Variants in GLS2 observed in about 807,000 individuals in gnomAD.
GLS2 encodes glutaminase 2.
In GLS2, 52 loss-of-function variants were observed where a neutral mutation model predicts 79.0. That is an observed-to-expected ratio of 0.66 (90% CI 0.53 to 0.83). GLS2 has a LOEUF of 0.83. GLS2 is among the 40% of genes least tolerant of loss of function. GLS2 has a pLI of 0.00. For synonymous variants in GLS2, 238 were observed against 280.8 expected, an observed-to-expected ratio of 0.85 and a Z score of 1.52; for missense variants, 561 against 764.8, an observed-to-expected ratio of 0.73 and a Z score of 3.14.
rs888361751 is a variant in GLS2, at chr12:56,471,713, G to A, written c.1652+60C>T. ...TGGTGGTTGTATATATTTGCATGGT[G>A]GCTGGAGGGTAGGTGGAGAAGCTGT... On this transcript the variant is annotated intron_variant, in intron 17 of 17. Coordinates refer to ENST00000311966, the MANE Select transcript of GLS2 (RefSeq NM_013267.4). The A allele has an allele frequency of 2.8e-5, 45 of 1,610,812 alleles. No homozygotes were observed. The African/African-American group carries it at 5.7e-4, about 21-fold the overall frequency.
At chr12:56,475,899 TGCCATGGCGAAATGCA>T in intron 8 of GLS2, 30 bp downstream of exon 8, 1 of 1,606,872 alleles carries the variant, frequency 6.2e-7, no homozygotes, top group Non-Finnish European at 8.5e-7. Flanking sequence ...GAGGACAGCA[TGCCATGGCGAAATGCA>T]GCCAGGGGCT....
intron 8 of GLS2, 99 bp downstream of exon 8, chr12:56,475,846 G>A (rs1043348071): frequency 8.4e-6 from 12 of 1,431,890 alleles, no homozygotes; most frequent in Admixed American, 3.4e-5. Context: ...GTATGGGCTG[G>A]TGCACCTGGT....
At chr12:56,476,448 T>C (rs948504847) in intron 7 of GLS2, 2 of 179,764 alleles carry the variant, frequency 1.1e-5, no homozygotes, top group African/African-American at 4.8e-5. Context: ...TTACACCCCA[T>C]GCTGGAGCTT....
chr12:56,479,364 G>C (rs1175765859), intron 3 of GLS2, 183 bp from the exon 4 acceptor site: 2 of 640,652 alleles, frequency 3.1e-6, no homozygotes, highest in Non-Finnish European at 5.0e-6. Flanking sequence ...TAAAATGAGG[G>C]GTTTTAATGA....
chr12:56,474,716 C>T lies in GLS2; in HGVS notation c.1052G>A (p.Cys351Tyr), dbSNP rs780767148. The T allele has an allele frequency of 3.1e-6, 5 of 1,609,280 alleles. No homozygotes were observed. The highest frequency in any genetic ancestry group is 4.2e-6 in the Non-Finnish European group (5 of 1,176,892). ...MAALDLYFQL[C>Y]SVEVTCESGS... is the part of the protein sequence containing the mutation. The stretch of plus-strand genomic sequence containing the variant: ...TGATTCACAAGTGACCTCCACAGAA[C>T]ACAGCTATGAAAACAAAGAATAGGT... The change falls in exon 12 of 18, where the codon TGT becomes TAT. Residue 351 changes from cysteine to tyrosine, a missense_variant. This residue lies in a region of GLS2 where 221 missense variants were observed against 275.6 expected (regional missense o/e 0.80). Transcript: ENST00000311966.
At chr12:56,480,249 T>TTC (rs1337149557) in intron 2 of GLS2, 39 bp downstream of exon 2, 1 of 1,553,290 alleles carries the variant, frequency 6.4e-7, no homozygotes, top group Non-Finnish European at 8.9e-7. Flanking sequence ...TCAGAGATCT[T>TTC]AAGGAATTAG....
intron 1 of GLS2, among the ~76,000 whole-genome samples, chr12:56,485,055 A>G (rs1238477792): frequency 1.3e-5 from 2 of 152,208 alleles, no homozygotes; most frequent in Non-Finnish European, 1.5e-5. Context: ...GGAATCTTTT[A>G]AAATGACAAG....
At chr12:56,482,845 C>T (rs1870399590) in intron 1 of GLS2, among the ~76,000 whole-genome samples, 1 of 152,182 alleles carries the variant, frequency 6.6e-6, no homozygotes, top group Non-Finnish European at 1.5e-5. Context: ...GATCCTCCCA[C>T]CTCAGCCTCC....
Position 56,471,961 on chromosome 12 carries a change from C to T in GLS2, c.1589-125G>A, listed in dbSNP as rs373027743. 2.3e-5 allele frequency: 29 copies of T among 1,280,862 alleles called. No individual in the cohort carries two copies. In the South Asian group the frequency reaches 3.5e-4, roughly 15 times the overall value. The allele number at this position is 1,280,862 out of a possible 1,614,324, so 79.3% of individuals were successfully genotyped here. The stretch of plus-strand genomic sequence containing the variant: ...AGGCCTCTTCCCATTTTGTACCCTG[C>T]AGCACTCAGTCATAGTCTAGCTGCA... On this transcript the variant is annotated intron_variant, in intron 16 of 17. Transcript: ENST00000311966.
Position 56,475,845 on chromosome 12 carries a change from G to A in GLS2, c.870+100C>T, listed in dbSNP as rs557318390. The A allele has an allele frequency of 1.9e-3, 2,663 of 1,423,766 alleles. 17 individuals carry two copies. Among genetic ancestry groups the A allele is most frequent in the South Asian group, 8.0e-3 (695 of 86,754 alleles). The allele number at this position is 1,423,766 out of a possible 1,614,324, so 88.2% of individuals were successfully genotyped here. On this transcript the variant is annotated intron_variant, in intron 8 of 17. Coordinates refer to ENST00000311966, the MANE Select transcript of GLS2 (RefSeq NM_013267.4). ...GGAAATAAGGCTTCTAGTATGGGCT[G>A]GTGCACCTGGTAGTGGGGTTAGAGA... is the stretch of plus-strand genomic sequence containing the variant.
rs1171719305 is a variant in GLS2, at chr12:56,471,335, G to C, written c.*152C>G. 4 of 763,476 alleles carry C rather than the reference G, an allele frequency of 5.2e-6. No individual in the cohort carries two copies. The highest frequency in any genetic ancestry group is 3.8e-4 in the Middle Eastern group (1 of 2,650). 47.3% of individuals were successfully genotyped at this position (763,476 alleles called of 1,614,324 possible). A position where few individuals can be genotyped will look rare whatever the true frequency, so the allele number is the denominator to read the frequency against. On this transcript the variant is annotated 3_prime_UTR_variant, in exon 18 of 18. Transcript: ENST00000311966. ...GTCTGCTGAGGGAATGGGGTATTTT[G>C]ACTCCCATAGAAAGCACTAGCCTAA...
chr12:56,487,753 C>T (rs1339282456), intron 1 of GLS2, among the ~76,000 whole-genome samples, 184 bp downstream of exon 1: 1 of 152,262 alleles, frequency 6.6e-6, no homozygotes, highest in Non-Finnish European at 1.5e-5. Context: ...CCTAGGCAGA[C>T]GGCAGATTAC....
chr12:56,482,666 C>T (rs577967680), intron 1 of GLS2, among the ~76,000 whole-genome samples: 14 of 152,340 alleles, frequency 9.2e-5, no homozygotes, highest in African/African-American at 3.4e-4. Context: ...CCCTGTGTCC[C>T]AAAGTATCTC....
Position 56,478,177 on chromosome 12 carries a change from T to G in GLS2, c.614+6A>C. 1 of 1,614,164 alleles carries G rather than the reference T, an allele frequency of 6.2e-7. No individual in the cohort carries two copies. Among genetic ancestry groups the G allele is most frequent in the Non-Finnish European group, 8.5e-7 (1 of 1,180,020 alleles). On this transcript the variant is annotated splice_donor_region_variant and intron_variant, in intron 5 of 17. Transcript: ENST00000311966. ...TGCCTCCCCTTCCTCTTGCCCAGCA[T>G]CTCACCGTTGACCATCCACAGTGCA...
rs1485807588 is a variant in GLS2 at position 56,471,615 on chromosome 12, C to G, written c.1681G>C (p.Val561Leu). 2 of 1,613,952 alleles carry G rather than the reference C, an allele frequency of 1.2e-6. No homozygotes were observed. Among genetic ancestry groups the G allele is most frequent in the Admixed American group, 1.7e-5 (1 of 59,974 alleles). ...RWGNIPLDDA[V>L]QFNHLEVVKL... ...ACCACCTCCAGATGGTTGAACTGCACAGCATCATCCAGGGGAATGTTGCCC... is the reference window on the plus strand; with the variant it reads ...ACCACCTCCAGATGGTTGAACTGCAGAGCATCATCCAGGGGAATGTTGCCC... Residue 561 changes from valine (V) to leucine (L), a missense_variant, in exon 18 of 18, where the codon GTG becomes CTG. This residue lies in a region of GLS2 where 136 missense variants were observed against 228.6 expected (regional missense o/e 0.59). Coordinates refer to ENST00000311966, the MANE Select transcript of GLS2 (RefSeq NM_013267.4).
In GLS2 at chr12:56,479,854, G is replaced by T. The variant is rs1870143586; in HGVS notation, c.330C>A (p.Asp110Glu). Residue 110 changes from aspartate (D) to glutamate (E), a missense_variant, in exon 3 of 18, where the codon GAC (aspartate) becomes GAA (glutamate). Coordinates refer to ENST00000311966, the MANE Select transcript of GLS2 (RefSeq NM_013267.4). ...GLQTSDPRLR[D>E]CMSEMHRVVQ... The stretch of plus-strand genomic sequence containing the variant: ...CCACGCGGTGCATCTCGCTCATGCA[G>T]TCTCGGAGCCGAGGATCTGATGTCT... 3.7e-6 allele frequency: 6 copies of T among 1,612,778 alleles called. No individual in the cohort carries two copies. The highest frequency in any genetic ancestry group is 5.1e-6 in the Non-Finnish European group (6 of 1,180,006).
intron 1 of GLS2, among the ~76,000 whole-genome samples, chr12:56,481,762 C>G (rs10876892): frequency 0.96 from 144,891 of 150,910 alleles, 70,002 homozygotes; most frequent in East Asian, 1. Flanking sequence ...ATAGTGGCAT[C>G]TGCCTGTAAT....
At chr12:56,478,986 GAAAAA>G (rs34646954) in intron 4 of GLS2, 61 bp downstream of exon 4, 494 of 1,353,462 alleles carry the variant, frequency 3.6e-4, no homozygotes, top group South Asian at 9.4e-4. Context: ...TCTGTCTCAG[GAAAAA>G]AAAAAAAAAA....
At chr12:56,476,277 T>G (rs1869807019) in intron 7 of GLS2, 1 of 361,934 alleles carries the variant, frequency 2.8e-6, no homozygotes. Context: ...ATCCTCCCAC[T>G]TCAGCCTCCA....
Sources: allele counts gnomAD v4.1 joint callset (sites outside exome capture counted in the v4.1 genomes callset), GRCh38; gene constraint gnomAD v4.1.1; regional missense constraint gnomAD v4.1.1; transcripts MANE v1.5; gene names NCBI Gene and HGNC (gene_info 2026-07-23, HGNC 2026-07-21).